Variants in MSR1 observed in about 807,000 individuals in gnomAD.
The protein encoded by MSR1 is macrophage scavenger receptor 1.
Under a neutral mutation model 47.2 loss-of-function variants are expected in MSR1, and 53 were observed. The ratio of observed to expected loss-of-function variants is 1.12; its 90% CI spans 0.90 to 1.41. The LOEUF (loss-of-function observed/expected upper bound fraction) is 1.41. MSR1 is among the 40% of genes most tolerant of loss of function. MSR1 has a pLI of 0.00. For synonymous variants in MSR1, 239 were observed against 185.6 expected, an observed-to-expected ratio of 1.29 and a Z score of -2.34; for missense variants, 786 against 546.9, an observed-to-expected ratio of 1.44 and a Z score of -4.36.
intron 9 of MSR1, among the ~76,000 whole-genome samples, chr8:16,116,381 A>G (rs968402107): frequency 6.6e-6 from 1 of 152,182 alleles, no homozygotes; most frequent in South Asian, 2.1e-4. Flanking sequence ...TGCTGAAAAA[A>G]TGTAAAAGGA....
intron 8 of MSR1, chr8:16,140,183 C>G: frequency 1.0e-6 from 1 of 985,024 alleles, no homozygotes; most frequent in Middle Eastern, 5.2e-4. Flanking sequence ...ATACTCATGA[C>G]AGTTCTCCTA....
At chr8:16,163,146 A>G (rs554682992) in intron 5 of MSR1, among the ~76,000 whole-genome samples, 8 of 152,088 alleles carry the variant, frequency 5.3e-5, no homozygotes, top group African/African-American at 1.9e-4. Flanking sequence ...CTGTTTGGTA[A>G]TTTTGGTAGA....
rs753756996 is a variant in MSR1, at chr8:16,177,171, G to A, written c.103+715C>T. Reference sequence around the variant, plus strand: ...TGGGTTGAATTCTGTGCCACCAACAGATATGTTAAAGTTTTAACCATAGGT... The same window carrying A: ...TGGGTTGAATTCTGTGCCACCAACAAATATGTTAAAGTTTTAACCATAGGT... On this transcript the variant is annotated intron_variant, in intron 2 of 9. Transcript: ENST00000262101. Among the ~76,000 whole-genome samples, 8 of 152,202 alleles carry A rather than the reference G, an allele frequency of 5.3e-5. No individual in the cohort carries two copies. The East Asian group carries it at 1.4e-3, about 26-fold the overall frequency.
At chr8:16,120,710 A>T (rs1799984653) in intron 8 of MSR1, 104 bp from the exon 9 acceptor site, 1 of 1,349,574 alleles carries the variant, frequency 7.4e-7, no homozygotes, top group African/African-American at 1.5e-5. Flanking sequence ...AAAAATGTTT[A>T]GCACATTTTC....
intron 5 of MSR1, among the ~76,000 whole-genome samples, chr8:16,161,944 G>C (rs1329102694): frequency 6.6e-6 from 1 of 151,924 alleles, no homozygotes; most frequent in African/African-American, 2.4e-5. Context: ...GAGCTTAACA[G>C]ACATGGAAGC....
intron 8 of MSR1, chr8:16,139,518 A>G (rs1800473158): frequency 2.0e-6 from 2 of 984,770 alleles, no homozygotes; most frequent in Non-Finnish European, 1.2e-6. Flanking sequence ...TCTGTGTGTT[A>G]AAACGTAAAG....
chr8:16,138,086 G>C (rs145480299), intron 8 of MSR1, among the ~76,000 whole-genome samples: 24 of 151,118 alleles, frequency 1.6e-4, no homozygotes, highest in African/African-American at 5.8e-4. Flanking sequence ...ATTCATTTAA[G>C]ATTGAGCTGA....
chr8:16,150,567 A>G (rs764682968), intron 6 of MSR1, among the ~76,000 whole-genome samples: 96 of 152,242 alleles, frequency 6.3e-4, no homozygotes, highest in Non-Finnish European at 1.2e-3. Flanking sequence ...CACATTAGGA[A>G]AAATAGATCT....
At chr8:16,153,897 C>T (rs1447159001) in intron 6 of MSR1, among the ~76,000 whole-genome samples, 1 of 151,930 alleles carries the variant, frequency 6.6e-6, no homozygotes, top group Non-Finnish European at 1.5e-5. Context: ...AGTAGAAAGA[C>T]TTTCCTGAAT....
At chr8:16,187,801 C>T (rs931890056) in intron 1 of MSR1, among the ~76,000 whole-genome samples, 1 of 152,142 alleles carries the variant, frequency 6.6e-6, no homozygotes, top group Admixed American at 6.6e-5. Flanking sequence ...TCTCTCTGCA[C>T]TGCACGTAAC....
intron 7 of MSR1, among the ~76,000 whole-genome samples, chr8:16,144,600 T>C (rs1240049679): frequency 6.6e-6 from 1 of 152,154 alleles, no homozygotes; most frequent in Non-Finnish European, 1.5e-5. Context: ...GTTATTTTGC[T>C]CTGCTACTTA....
chr8:16,117,510 G>C (rs992513670), intron 9 of MSR1, among the ~76,000 whole-genome samples: 4 of 152,136 alleles, frequency 2.6e-5, no homozygotes, highest in Non-Finnish European at 5.9e-5. Flanking sequence ...AAAGTGAGTT[G>C]ATGTACTTCA....
intron 5 of MSR1, among the ~76,000 whole-genome samples, chr8:16,161,282 G>T (rs1052045352): frequency 6.6e-5 from 10 of 151,930 alleles, no homozygotes; most frequent in Admixed American, 5.9e-4. Flanking sequence ...TGAGCAGGTA[G>T]TTGGAAAATG....
chr8:16,110,408 CA>C (rs1799731208), intron 9 of MSR1, among the ~76,000 whole-genome samples, 190 bp from the exon 10 acceptor site: 1 of 152,086 alleles, frequency 6.6e-6, no homozygotes, highest in African/African-American at 2.4e-5. Flanking sequence ...ACTCTGTTAA[CA>C]TGTAAACTAC....
At chr8:16,121,078 G>A in intron 8 of MSR1, 1 of 381,708 alleles carries the variant, frequency 2.6e-6, no homozygotes, top group Admixed American at 3.6e-5. Flanking sequence ...ACAAAAATAG[G>A]TGATCAAACT....
At chr8:16,180,342 G>T (rs76739187) in intron 1 of MSR1, among the ~76,000 whole-genome samples, 3,404 of 152,210 alleles carry the variant, frequency 0.022, 48 homozygotes, top group Non-Finnish European at 0.037. Flanking sequence ...CATTGGAAAG[G>T]TTTGATAAAA....
intron 3 of MSR1, among the ~76,000 whole-genome samples, chr8:16,173,704 A>G (rs991960211): frequency 4.6e-5 from 7 of 151,982 alleles, no homozygotes; most frequent in African/African-American, 1.7e-4. Context: ...GCTGGAGCAC[A>G]GTGGCGCGAT....
At chr8:16,188,027 T>C (rs918625853) in intron 1 of MSR1, among the ~76,000 whole-genome samples, 5 of 152,118 alleles carry the variant, frequency 3.3e-5, no homozygotes, top group Admixed American at 2.6e-4. Flanking sequence ...GTTCCACAGT[T>C]AGGACAAAAA....
chr8:16,143,907 T>C (rs1163801179), intron 7 of MSR1, among the ~76,000 whole-genome samples: 1 of 152,122 alleles, frequency 6.6e-6, no homozygotes, highest in African/African-American at 2.4e-5. Flanking sequence ...CCTCCTTTTC[T>C]CCTCTTCCTT....
Sources: gnomAD v4.1 joint callset for allele counts (sites outside exome capture counted in the v4.1 genomes callset) on GRCh38, gnomAD v4.1.1 for gene constraint, MANE v1.5 for transcripts, NCBI Gene and HGNC (gene_info 2026-07-23, HGNC 2026-07-21) for gene names.